RIF1: variants seen among roughly 807,000 people sequenced by gnomAD.
RIF1 encodes the protein telomere-associated protein RIF1.
A neutral mutation model predicts 247.1 loss-of-function variants in RIF1; 45 were observed. The ratio of observed to expected loss-of-function variants is 0.18; its 90% confidence interval spans 0.14 to 0.23. RIF1 has a LOEUF of 0.23. Ranked by LOEUF, RIF1 falls within the 10% of genes least tolerant of loss-of-function variation. The probability of loss-of-function intolerance (pLI) is 1.00; values close to 1 mark genes in which losing one functional copy is unlikely to be tolerated. For missense variants in RIF1, 2,967 were observed against 2,862.5 expected (o/e 1.04, Z -0.83); for synonymous variants, 1,087 against 978.8 (o/e 1.11, Z -2.06).
chr2:151,468,250 G>C, intron 31 of RIF1, 104 bp downstream of exon 31: 1 of 1,136,120 alleles, frequency 8.8e-7, no homozygotes, highest in East Asian at 2.5e-5. Context: ...CTTCTTCCTT[G>C]GTTTAAAATA....
At chr2:151,526,124 A>G in the RIF1 span, 1 of 1,612,214 alleles carries the variant, frequency 6.2e-7, no homozygotes, top group Non-Finnish European at 8.5e-7. Context: ...TTCTCCCAAG[A>G]GGGAAGCAGA....
intron 12 of RIF1, among the ~76,000 whole-genome samples, chr2:151,504,855 A>C (rs1463846386): frequency 6.6e-6 from 1 of 152,140 alleles, no homozygotes; most frequent in Non-Finnish European, 1.5e-5. Context: ...AGGTGCCTGA[A>C]ATTCCCATGA....
chr2:151,525,906 C>G, the RIF1 span: 1 of 1,386,470 alleles, frequency 7.2e-7, no homozygotes, highest in African/African-American at 1.4e-5. Flanking sequence ...TCACCAGATT[C>G]TACAGTCAAG....
rs750604214 is a variant in RIF1 at position 151,416,759 on chromosome 2, A to G, written c.409-48A>G. On this transcript the variant is annotated intron_variant, in intron 5 of 35. Transcript: ENST00000444746. ...AAAGAAAAAACTATAATGCCAATAA[A>G]AACAGTTCAGGCTTATTTCATTTGT... 6 of 1,601,050 alleles carry G rather than the reference A, an allele frequency of 3.7e-6. No homozygotes were observed. In the Admixed American group the frequency reaches 1.1e-4, roughly 28 times the overall value.
chr2:151,420,755 ATCTG>A (rs990548455), intron 7 of RIF1, among the ~76,000 whole-genome samples: 4 of 147,242 alleles, frequency 2.7e-5, no homozygotes, highest in African/African-American at 9.9e-5. Flanking sequence ...AAAAAAAAAA[ATCTG>A]TCTGGGCATA....
chr2:151,454,290 G>C (rs1694836233), intron 21 of RIF1, among the ~76,000 whole-genome samples: 3 of 152,116 alleles, frequency 2.0e-5, no homozygotes, highest in Non-Finnish European at 4.4e-5. Context: ...TATTCTTCTA[G>C]GTAGATGTTT....
At chr2:151,411,114 T>C (rs1686117495) in intron 2 of RIF1, 146 bp from the exon 3 acceptor site, 2 of 596,300 alleles carry the variant, frequency 3.4e-6, no homozygotes, top group East Asian at 5.7e-5. Flanking sequence ...TTATATATTC[T>C]GTATACCCTT....
At position 151,435,488 on chromosome 2, in the gene RIF1, C is replaced by T. The variant is rs182886629; in HGVS notation, c.1103C>T (p.Thr368Ile). ...GTTTGTGTGCCTCTGATTCAAAGTA[C>T]AATAAGCATTGATTCTAATGCCTCA... ...EQVCVPLIQSTISIDSNASPQ... is the reference protein window; with the variant it reads ...EQVCVPLIQSIISIDSNASPQ... Residue 368 changes from threonine (T) to isoleucine (I), a missense_variant, in exon 11 of 36, where the codon ACA becomes ATA. Physicochemically the swap from Thr to Ile is moderately conservative, Grantham distance 89. Around this residue, in one of 7 missense-constraint regions of RIF1, gnomAD observed 369 missense variants for 322.0 expected, o/e 1.15. Coordinates refer to ENST00000444746, the MANE Select transcript of RIF1 (RefSeq NM_018151.5). 1.2e-5 allele frequency: 20 copies of T among 1,610,668 alleles called. No homozygotes were observed. Among genetic ancestry groups the T allele is most frequent in the Non-Finnish European group, 1.5e-5 (18 of 1,177,168 alleles).
intron 11 of RIF1, 148 bp downstream of exon 11, chr2:151,435,728 C>T (rs1470449346): frequency 3.7e-6 from 2 of 534,232 alleles, no homozygotes; most frequent in African/African-American, 3.8e-5. Context: ...TTTTTAGGTT[C>T]ATTACCAAAA....
At chr2:151,444,359 G>A (rs1021059273) in intron 18 of RIF1, among the ~76,000 whole-genome samples, 3 of 152,338 alleles carry the variant, frequency 2.0e-5, no homozygotes, top group African/African-American at 7.2e-5. Flanking sequence ...ACCCAGGCTA[G>A]AGTACAGTGG....
In RIF1 at chr2:151,445,440, C is replaced by A; in HGVS notation, c.2089C>A (p.Pro697Thr). ...CCACATTTTTTCAGAACAGAGATTT[C>A]CAGTGGTAAGGCATTGTCAAGTATT... ...VNHIFSEQRF[P>T]VATMKTLLRT... is the part of the protein sequence containing the mutation. Residue 697 changes from proline to threonine, a missense_variant, in exon 19 of 36, where the codon CCA becomes ACA. By Grantham distance (38) the Pro-to-Thr change is conservative (BLOSUM62 -1). Coordinates refer to ENST00000444746, the MANE Select transcript of RIF1 (RefSeq NM_018151.5). 6.7e-7 allele frequency: 1 copy of A among 1,498,064 alleles called. No homozygotes were observed. The highest frequency in any genetic ancestry group is 9.3e-7 in the Non-Finnish European group (1 of 1,074,354). The allele number at this position is 1,498,064 out of a possible 1,614,324, so 92.8% of individuals were successfully genotyped here.
intron 8 of RIF1, among the ~76,000 whole-genome samples, chr2:151,424,825 ATTTTTTTTTTTTTTTTTTTT>A (rs71000475): frequency 4.2e-5 from 2 of 47,272 alleles, no homozygotes; most frequent in Admixed American, 3.6e-4. Flanking sequence ...AGCCCGGCTG[ATTTTTTTTTTTTTTTTTTTT>A]TTTTTTTTTT....
intron 35 of RIF1, 63 bp from the exon 36 acceptor site, chr2:151,474,794 C>A (rs1045583906): frequency 1.6e-5 from 15 of 929,730 alleles, no homozygotes; most frequent in East Asian, 1.6e-4. Context: ...CTTAAAAGAT[C>A]ATGTAAAAAA....
chr2:151,484,283 G>A (rs2049353970), downstream of RIF1, among the ~76,000 whole-genome samples: 1 of 144,864 alleles, frequency 6.9e-6, no homozygotes, highest in Non-Finnish European at 1.5e-5. Context: ...AACCGATAAA[G>A]TAAATAGGAA....
intron 9 of RIF1, among the ~76,000 whole-genome samples, chr2:151,430,399 G>A (rs574274409): frequency 6.6e-6 from 1 of 151,818 alleles, no homozygotes; most frequent in South Asian, 2.1e-4. Context: ...TCAGCTCACT[G>A]CAACCTCCGC....
At chr2:151,433,259 T>C (rs765791945) in intron 10 of RIF1, 31 bp downstream of exon 10, 3 of 1,537,908 alleles carry the variant, frequency 2.0e-6, no homozygotes, top group South Asian at 1.2e-5. Context: ...TATAGCACTT[T>C]ATGTTTTTGT....
rs186119200 is a variant in RIF1, at chr2:151,507,951, C to T, written c.*1250C>T. 7.6e-6 allele frequency: 10 copies of T among 1,311,650 alleles called. No individual in the cohort carries two copies. In the African/African-American group the frequency reaches 1.5e-4, roughly 19 times the overall value. The allele number at this position is 1,311,650 out of a possible 1,614,324, so 81.3% of individuals were successfully genotyped here. On this transcript the variant is annotated 3_prime_UTR_variant and NMD_transcript_variant, in exon 14 of 14. Transcript: ENST00000454583. The stretch of plus-strand genomic sequence containing the variant: ...AGCCTGGGATATCCAGAGGCATCTT[C>T]CTCAGCACCCCTAGGTGCCTGTGGG...
intron 35 of RIF1, among the ~76,000 whole-genome samples, 160 bp from the exon 36 acceptor site, chr2:151,474,697 G>A (rs766667953): frequency 2.0e-5 from 3 of 152,060 alleles, no homozygotes; most frequent in South Asian, 2.1e-4. Context: ...AAGCAGCAGC[G>A]GCAGCTCTGG....
chr2:151,445,394 T>C lies in RIF1; in HGVS notation c.2043T>C (p.Gly681=), dbSNP rs1227998478. The change falls in exon 19 of 36, where the codon GGT becomes GGC. Residue 681 remains glycine, a synonymous_variant. Transcript: ENST00000444746. ...ALEHNFSAIY[G]ALTLPVNHIF... ...AACATAATTTTAGTGCCATCTATGGTGCATTGACTTTACCAGTAAACCACA... is the reference window on the plus strand; with the variant it reads ...AACATAATTTTAGTGCCATCTATGGCGCATTGACTTTACCAGTAAACCACA... 3 of 1,610,632 alleles carry C rather than the reference T, an allele frequency of 1.9e-6. No homozygotes were observed. The highest frequency in any genetic ancestry group is 2.5e-6 in the Non-Finnish European group (3 of 1,176,954).
Sources: allele counts gnomAD v4.1 joint callset (sites outside exome capture counted in the v4.1 genomes callset), GRCh38; gene constraint gnomAD v4.1.1; regional missense constraint gnomAD v4.1.1; transcripts MANE v1.5; gene names NCBI Gene and HGNC (gene_info 2026-07-23, HGNC 2026-07-21).